KCNMA1: variants seen among roughly 807,000 people sequenced by gnomAD.
KCNMA1 encodes Calcium-activated potassium channel subunit alpha-1.
A neutral mutation model predicts 140.0 loss-of-function variants in KCNMA1; 29 were observed. The observed-to-expected ratio is 0.21, with a 90% confidence interval of 0.15 to 0.28. The LOEUF (loss-of-function observed/expected upper bound fraction) is 0.28. KCNMA1 is among the 10% of genes least tolerant of loss of function. The pLI is 1.00. For synonymous variants in KCNMA1, 612 were observed against 611.9 expected (o/e 1.00, Z 0.00); for missense variants, 880 against 1,602.2 (o/e 0.55, Z 7.70).
chr10:77,108,641 G>A lies in KCNMA1; in HGVS notation c.1132-69C>T, dbSNP rs2097251087. 1 of 1,128,408 alleles carries A rather than the reference G, an allele frequency of 8.9e-7. No individual in the cohort carries two copies. The highest frequency in any genetic ancestry group is 1.3e-6 in the Non-Finnish European group (1 of 745,124). The allele number at this position is 1,128,408 out of a possible 1,614,324, so 69.9% of individuals were successfully genotyped here. ...AAGAAAAGGGGGGACCTGTTCAGAG[G>A]GTGGGGGCACTAAGATCTGAAAACA... is the stretch of plus-strand genomic sequence containing the variant. On this transcript the variant is annotated intron_variant, in intron 8 of 27. Transcript: ENST00000286628. The surrounding 1 kb of genome is among the most constrained non-coding windows in gnomAD (Gnocchi z 4.6).
At chr10:77,496,026 C>A (rs1248906724) in intron 1 of KCNMA1, among the ~76,000 whole-genome samples, 1 of 152,164 alleles carries the variant, frequency 6.6e-6, no homozygotes, top group Non-Finnish European at 1.5e-5. Context: ...GACACAGAGC[C>A]CTCCTTGGAG....
intron 1 of KCNMA1, among the ~76,000 whole-genome samples, chr10:77,467,021 G>A (rs2098036103): frequency 6.6e-6 from 1 of 152,142 alleles, no homozygotes; most frequent in African/African-American, 2.4e-5. Context: ...CCTGTGCTAG[G>A]AAAAATCTAG....
At chr10:77,061,101 A>G (rs1261236467) in intron 14 of KCNMA1, among the ~76,000 whole-genome samples, 1 of 152,208 alleles carries the variant, frequency 6.6e-6, no homozygotes, top group Non-Finnish European at 1.5e-5. Context: ...AGTTTCATTT[A>G]TCTTGGGTAG....
chr10:77,053,427 T>G (rs2095439498), intron 14 of KCNMA1, among the ~76,000 whole-genome samples: 1 of 152,178 alleles, frequency 6.6e-6, no homozygotes, highest in African/African-American at 2.4e-5. Context: ...CAAAATCATC[T>G]AGCCTTAGGG....
chr10:77,606,202 GGTCCCACT>G (rs1047467955), intron 1 of KCNMA1, among the ~76,000 whole-genome samples: 2 of 152,104 alleles, frequency 1.3e-5, no homozygotes, highest in African/African-American at 4.8e-5. Context: ...TTAAGTTTTG[GGTCCCACT>G]GTCCCACTGT....
At chr10:77,422,824 G>A (rs1037362107) in intron 1 of KCNMA1, among the ~76,000 whole-genome samples, 8 of 152,184 alleles carry the variant, frequency 5.3e-5, no homozygotes, top group South Asian at 4.1e-4. Context: ...GCAGAAACAC[G>A]GAAGATGCAA....
intron 1 of KCNMA1, among the ~76,000 whole-genome samples, chr10:77,561,424 G>T (rs2066354009): frequency 6.6e-6 from 1 of 152,164 alleles, no homozygotes; most frequent in African/African-American, 2.4e-5. Flanking sequence ...ATGAATTGAG[G>T]TAAGAAAGGC....
chr10:77,482,492 G>A (rs2098409714), intron 1 of KCNMA1, among the ~76,000 whole-genome samples: 2 of 152,208 alleles, frequency 1.3e-5, no homozygotes. Context: ...TGACCACGCA[G>A]CAGAAACAAA....
At chr10:77,143,933 G>A (rs927792002) in intron 5 of KCNMA1, among the ~76,000 whole-genome samples, 6 of 152,266 alleles carry the variant, frequency 3.9e-5, no homozygotes, top group South Asian at 4.1e-4. Flanking sequence ...TCAAGTGTTG[G>A]TGAAGAAACA....
At position 76,878,010 on chromosome 10, in the gene KCNMA1, C is replaced by A. The variant is rs2032796524; in HGVS notation, c.3428-120G>T. On this transcript the variant is annotated intron_variant, in intron 29 of 29. Coordinates refer to the KCNMA1 transcript ENST00000372403. ...CAAAAAGGTAATCGATAGAAGCCGA[C>A]AGTGAGTAATTGCTAAGAGAGACAG... is the stretch of plus-strand genomic sequence containing the variant. 62 of 938,190 alleles carry A rather than the reference C, an allele frequency of 6.6e-5. No individual in the cohort carries two copies. In the South Asian group the frequency reaches 8.8e-4, roughly 13 times the overall value. 58.1% of individuals were successfully genotyped at this position (938,190 alleles called of 1,614,324 possible). A position where few individuals can be genotyped will look rare whatever the true frequency, so the allele number is the denominator to read the frequency against.
chr10:77,315,160 G>T (rs934768483), intron 2 of KCNMA1, among the ~76,000 whole-genome samples: 3 of 152,170 alleles, frequency 2.0e-5, no homozygotes, highest in Non-Finnish European at 4.4e-5. Context: ...CATCTGGGAA[G>T]AATTTCACAC....
rs144685845 is a variant in KCNMA1 at position 77,026,395 on chromosome 10, G to A, written c.1928+1428C>T. Among the ~76,000 whole-genome samples, 731 of 152,260 alleles carry A rather than the reference G, an allele frequency of 4.8e-3. 9 individuals carry two copies. Among genetic ancestry groups the A allele is most frequent in the African/African-American group, 0.017 (709 of 41,550 alleles). On this transcript the variant is annotated intron_variant, in intron 16 of 27. Coordinates refer to ENST00000286628, the MANE Select transcript of KCNMA1 (RefSeq NM_001161352.2). ...AAAGATTTGCGATTTCGCAACACGG[G>A]GAATATCATTTGCAAAAATCCAGGA...
In KCNMA1 at chr10:77,381,636, C is replaced by CT. The variant is rs111735976; in HGVS notation, c.540+22225dup. Among the ~76,000 whole-genome samples, 1,096 of 151,766 alleles carry CT rather than the reference C, an allele frequency of 7.2e-3. 15 individuals are homozygous for CT. Among genetic ancestry groups the CT allele is most frequent in the African/African-American group, 0.023 (945 of 41,352 alleles). On this transcript the variant is annotated intron_variant, in intron 2 of 27. Transcript: ENST00000286628. ...GTGATTGTGGTCTAAGTTTCAATGACTTTTTTTTTAAATCCCTACATTCCT... is the reference window on the plus strand; with the variant it reads ...GTGATTGTGGTCTAAGTTTCAATGACTTTTTTTTTTAAATCCCTACATTCCT...
intron 17 of KCNMA1, 190 bp from the exon 18 acceptor site, chr10:77,012,233 T>A (rs1398470239): frequency 1.2e-5 from 18 of 1,473,132 alleles, no homozygotes; most frequent in Admixed American, 2.6e-5. Context: ...AACACAGGAT[T>A]CTGTGATTTG....
intron 3 of KCNMA1, among the ~76,000 whole-genome samples, chr10:77,195,074 G>T (rs1351223827): frequency 6.6e-6 from 1 of 151,988 alleles, no homozygotes; most frequent in African/African-American, 2.4e-5. Context: ...TGTTGTTGAG[G>T]ATTTTTTTTA....
At chr10:77,294,700 T>C (rs1294533483) in intron 2 of KCNMA1, among the ~76,000 whole-genome samples, 1 of 151,768 alleles carries the variant, frequency 6.6e-6, no homozygotes, top group Non-Finnish European at 1.5e-5. Context: ...GGGCGGGTCA[T>C]CTGAGGTCAG....
At chr10:77,409,912 G>A (rs1172468499) in intron 1 of KCNMA1, among the ~76,000 whole-genome samples, 1 of 152,196 alleles carries the variant, frequency 6.6e-6, no homozygotes, top group African/African-American at 2.4e-5. Context: ...TCTATGAACA[G>A]GGATGAGTCC....
At chr10:77,413,628 A>C (rs552594774) in intron 1 of KCNMA1, among the ~76,000 whole-genome samples, 6 of 152,148 alleles carry the variant, frequency 3.9e-5, no homozygotes, top group Non-Finnish European at 8.8e-5. Flanking sequence ...CAGGGGACCC[A>C]GGTCTTTCCT....
chr10:77,415,500 A>T (rs2154480046), intron 1 of KCNMA1, among the ~76,000 whole-genome samples: 1 of 152,324 alleles, frequency 6.6e-6, no homozygotes, highest in Non-Finnish European at 1.5e-5. Context: ...CAGACAAGAA[A>T]ACTGTGGCAG....
Sources: gnomAD v4.1 joint callset for allele counts (sites outside exome capture counted in the v4.1 genomes callset) on GRCh38, gnomAD v4.1.1 for gene constraint, Gnocchi (gnomAD v3.1) non-coding constraint, MANE v1.5 for transcripts, NCBI Gene and HGNC (gene_info 2026-07-23, HGNC 2026-07-21) for gene names.